CDK6: variants seen among roughly 807,000 people sequenced by gnomAD.
The protein encoded by CDK6 is cyclin dependent kinase 6, also known as cyclin-dependent kinase 6.
A neutral mutation model predicts 37.1 loss-of-function variants in CDK6; 6 were observed. The ratio of observed to expected loss-of-function variants is 0.16; its 90% CI spans 0.09 to 0.32. CDK6 has a LOEUF of 0.32. Ranked by LOEUF, CDK6 falls within the 10% of genes least tolerant of loss-of-function variation. The pLI is 1.00. For missense variants in CDK6, 224 were observed against 418.9 expected (o/e 0.53, Z 4.06); for synonymous variants, 160 against 161.3 (o/e 0.99, Z 0.06).
intron 2 of CDK6, among the ~76,000 whole-genome samples, chr7:92,812,926 G>T (rs1800923830): frequency 6.6e-6 from 1 of 152,074 alleles, no homozygotes; most frequent in South Asian, 2.1e-4. Flanking sequence ...TACTAATTTG[G>T]TGATCAGACC....
intron 4 of CDK6, among the ~76,000 whole-genome samples, chr7:92,722,865 C>T (rs912982374): frequency 4.6e-5 from 7 of 152,068 alleles, no homozygotes; most frequent in African/African-American, 1.7e-4. Context: ...AAATAAAATT[C>T]CCAAATAACT....
At chr7:92,690,695 A>G (rs1797581687) in intron 4 of CDK6, among the ~76,000 whole-genome samples, 1 of 152,240 alleles carries the variant, frequency 6.6e-6, no homozygotes, top group African/African-American at 2.4e-5. Flanking sequence ...CTACTCTATG[A>G]CAACGTATGG....
chr7:92,714,224 C>A (rs751474484), intron 4 of CDK6, among the ~76,000 whole-genome samples: 4 of 152,096 alleles, frequency 2.6e-5, no homozygotes, highest in Non-Finnish European at 4.4e-5. Flanking sequence ...GAGATGGCAT[C>A]TGAGTCTTGA....
At chr7:92,803,248 C>T (rs188244420) in intron 2 of CDK6, among the ~76,000 whole-genome samples, 1 of 152,108 alleles carries the variant, frequency 6.6e-6, no homozygotes, top group Non-Finnish European at 1.5e-5. Context: ...GTTTTGCTTA[C>T]AAGGAGCTTT....
At chr7:92,622,800 C>A (rs1271483447) in intron 6 of CDK6, among the ~76,000 whole-genome samples, 2 of 151,652 alleles carry the variant, frequency 1.3e-5, no homozygotes, top group Non-Finnish European at 2.9e-5. Context: ...GAAAGAGGAG[C>A]AGCAAAAAGA....
chr7:92,717,040 T>C (rs940288648), intron 4 of CDK6, among the ~76,000 whole-genome samples: 1 of 152,130 alleles, frequency 6.6e-6, no homozygotes, highest in African/African-American at 2.4e-5. Context: ...AATGGCATCA[T>C]ATAGGGTGTC....
chr7:92,732,111 C>T (rs542597660), intron 3 of CDK6, among the ~76,000 whole-genome samples: 23 of 152,156 alleles, frequency 1.5e-4, no homozygotes, highest in Non-Finnish European at 2.6e-4. Flanking sequence ...CATTTCAACA[C>T]ACACTTTTCT....
chr7:92,688,304 T>C (rs1376855672), intron 4 of CDK6, among the ~76,000 whole-genome samples: 1 of 152,118 alleles, frequency 6.6e-6, no homozygotes, highest in African/African-American at 2.4e-5. Context: ...TTTCTATACT[T>C]TTGACTGAAT....
intron 6 of CDK6, among the ~76,000 whole-genome samples, chr7:92,622,558 G>A (rs1234401986): frequency 6.6e-6 from 1 of 151,996 alleles, no homozygotes; most frequent in East Asian, 1.9e-4. Context: ...CTATTTTGGT[G>A]CTCCAAAGAA....
chr7:92,737,013 C>A (rs1217156446), intron 3 of CDK6, among the ~76,000 whole-genome samples: 1 of 152,178 alleles, frequency 6.6e-6, no homozygotes, highest in Non-Finnish European at 1.5e-5. Context: ...GTTATTTAAT[C>A]TTCCCTCCGC....
chr7:92,646,530 T>G (rs1796455419), intron 5 of CDK6, among the ~76,000 whole-genome samples: 1 of 152,006 alleles, frequency 6.6e-6, no homozygotes, highest in Admixed American at 6.6e-5. Context: ...CCCGAGTAGC[T>G]GGGATTACAG....
intron 2 of CDK6, among the ~76,000 whole-genome samples, chr7:92,809,101 T>C (rs892763595): frequency 3.3e-5 from 5 of 152,214 alleles, no homozygotes; most frequent in Non-Finnish European, 5.9e-5. Context: ...TGGTTTAAGA[T>C]TTCCTTTAAT....
At chr7:92,618,305 T>C in intron 6 of CDK6, 98 bp from the exon 7 acceptor site, 1 of 1,241,114 alleles carries the variant, frequency 8.1e-7, no homozygotes, top group Non-Finnish European at 1.1e-6. Flanking sequence ...GGGGGAGACA[T>C]GGGGGGCAGA....
intron 4 of CDK6, among the ~76,000 whole-genome samples, chr7:92,681,953 C>T (rs1185662112): frequency 6.6e-6 from 1 of 152,210 alleles, no homozygotes; most frequent in Non-Finnish European, 1.5e-5. Context: ...AAAATGCATG[C>T]ATTGTCATTC....
At chr7:92,756,594 A>T (rs1484793501) in intron 3 of CDK6, among the ~76,000 whole-genome samples, 1 of 152,232 alleles carries the variant, frequency 6.6e-6, no homozygotes, top group African/African-American at 2.4e-5. Context: ...AGAATAAAAG[A>T]GAAGAGACTG....
chr7:92,799,711 C>T (rs1800519698), intron 2 of CDK6, among the ~76,000 whole-genome samples: 1 of 152,050 alleles, frequency 6.6e-6, no homozygotes, highest in Non-Finnish European at 1.5e-5. Context: ...CTGGGGCATT[C>T]GTGATTTTCT....
rs1460540183 is a variant in CDK6, at chr7:92,606,971, T to C, written c.*8169A>G. On this transcript the variant is annotated 3_prime_UTR_variant, in exon 8 of 8. Transcript: ENST00000424848. The stretch of plus-strand genomic sequence containing the variant: ...CAACAAGCTTTTGAGGTGTTGGGAA[T>C]TGTTGGTTGTTAAAATCCCTTTTAT... The C allele has an allele frequency of 8.6e-6, 2 of 233,044 alleles. No homozygotes were observed. Among genetic ancestry groups the C allele is most frequent in the Non-Finnish European group, 1.7e-5 (2 of 117,958 alleles). 14.4% of individuals were successfully genotyped at this position (233,044 alleles called of 1,614,324 possible). A position where few individuals can be genotyped will look rare whatever the true frequency, so the allele number is the denominator to read the frequency against.
chr7:92,615,242 A>G lies in CDK6; in HGVS notation c.879T>C (p.Ser293=). 1 of 1,614,148 alleles carries G rather than the reference A, an allele frequency of 6.2e-7. No individual in the cohort carries two copies. Among genetic ancestry groups the G allele is most frequent in the East Asian group, 2.2e-5 (1 of 44,888 alleles). The change falls in exon 8 of 8, where the codon AGT becomes AGC. Residue 293 remains serine (S), a synonymous_variant. Transcript: ENST00000424848. ...FNPAKRISAY[S]ALSHPYFQDL... The stretch of plus-strand genomic sequence containing the variant: ...CCTGGAAGTATGGGTGAGACAGGGC[A>G]CTGTAGGCAGATATTCTTTTGGCTG...
intron 5 of CDK6, among the ~76,000 whole-genome samples, chr7:92,650,913 C>T (rs1454923476): frequency 1.3e-5 from 2 of 150,538 alleles, no homozygotes; most frequent in Middle Eastern, 3.2e-3. Context: ...TTTTTTTAGA[C>T]GGAGTCTCGC....
Sources: allele counts gnomAD v4.1 joint callset (sites outside exome capture counted in the v4.1 genomes callset), GRCh38; gene constraint gnomAD v4.1.1; transcripts MANE v1.5; gene names NCBI Gene and HGNC (gene_info 2026-07-23, HGNC 2026-07-21).